Variants in GATA4 observed in about 807,000 individuals in gnomAD.
GATA4 encodes the protein GATA binding protein 4.
GATA4 carries 7 observed loss-of-function variants against 37.9 expected under a neutral mutation model. The ratio of observed to expected loss-of-function variants is 0.18; its 90% CI spans 0.11 to 0.35. The LOEUF (loss-of-function observed/expected upper bound fraction) is 0.35. GATA4 is among the 10% of genes least tolerant of loss of function. GATA4 has a pLI of 1.00. For missense variants in GATA4, 647 were observed against 653.0 expected (o/e 0.99, Z 0.10); for synonymous variants, 372 against 292.6 (o/e 1.27, Z -2.77).
intron 2 of GATA4, among the ~76,000 whole-genome samples, chr8:11,730,148 A>C (rs1447378013): frequency 6.6e-6 from 1 of 152,198 alleles, no homozygotes; most frequent in Non-Finnish European, 1.5e-5. Flanking sequence ...TCATGAGCTC[A>C]AGTGATACTC....
rs773734427 is a variant in GATA4 at position 11,750,151 on chromosome 8, A to G, written c.827A>G (p.Gln276Arg). ...GTGGGCCTCTCCTGTGCCAACTGCC[A>G]GACCACCACCACCACGCTGTGGCGC... ...RRVGLSCANCQTTTTTLWRRN... is the reference protein window; with the variant it reads ...RRVGLSCANCRTTTTTLWRRN... Residue 276 changes from glutamine to arginine, a missense_variant, in exon 4 of 7, where the codon CAG becomes CGG. By Grantham distance (43) the Gln-to-Arg change is conservative. Transcript: ENST00000532059. 6.2e-7 allele frequency: 1 copy of G among 1,614,058 alleles called. No homozygotes were observed. Among genetic ancestry groups the G allele is most frequent in the East Asian group, 2.2e-5 (1 of 44,888 alleles).
At position 11,755,028 on chromosome 8, in the gene GATA4, T is replaced by G. The variant is rs1802484766; in HGVS notation, c.913-18T>G. ...CGCAGAAATGGAAAACCCTATATAT[T>G]TACTTGTGACCCTCCAGGTCCCCAG... On this transcript the variant is annotated intron_variant, in intron 4 of 6. Coordinates refer to ENST00000532059, the MANE Select transcript of GATA4 (RefSeq NM_001308093.3). 1.9e-6 allele frequency: 3 copies of G among 1,603,298 alleles called. No individual in the cohort carries two copies. In the African/African-American group the frequency reaches 4.0e-5, roughly 21 times the overall value.
chr8:11,745,037 A>G (rs1325498530), intron 2 of GATA4, among the ~76,000 whole-genome samples: 1 of 152,240 alleles, frequency 6.6e-6, no homozygotes, highest in Non-Finnish European at 1.5e-5. Flanking sequence ...GACATCTATC[A>G]GAGTGATTAA....
At chr8:11,728,496 G>A (rs1340965418) in intron 2 of GATA4, among the ~76,000 whole-genome samples, 1 of 151,806 alleles carries the variant, frequency 6.6e-6, no homozygotes, top group Non-Finnish European at 1.5e-5. Flanking sequence ...AGCCTTCTAA[G>A]TAGCTGGGAC....
chr8:11,727,752 G>A (rs765079152), intron 2 of GATA4, among the ~76,000 whole-genome samples: 8 of 151,788 alleles, frequency 5.3e-5, no homozygotes, highest in South Asian at 2.1e-4. Context: ...GCGGTGGGAC[G>A]ATCACTTGAG....
chr8:11,704,895 A>T lies in GATA4; in HGVS notation c.-458+591A>T, dbSNP rs77044774. On this transcript the variant is annotated intron_variant, in intron 1 of 6. Coordinates refer to ENST00000532059, the MANE Select transcript of GATA4 (RefSeq NM_001308093.3). ...CCTCGGGGCTGGGGTCCAGGGACTGAATGCTCCTCTGGAAGCTCACCACCC... is the reference window on the plus strand; with the variant it reads ...CCTCGGGGCTGGGGTCCAGGGACTGTATGCTCCTCTGGAAGCTCACCACCC... Among the ~76,000 whole-genome samples, 643 of 152,258 alleles carry T rather than the reference A, an allele frequency of 4.2e-3. 33 individuals are homozygous for T. In the East Asian group the frequency reaches 0.099, roughly 23 times the overall value.
rs553432931 is a variant in GATA4, at chr8:11,680,167, C to T, written c.-274+3104C>T. ...ACGCGCGCCTGTAAATGACGCCGCT[C>T]CCACCTAGGCCGCTCTGGGGCCGCT... On this transcript the variant is annotated intron_variant, in intron 1 of 6. Coordinates refer to the GATA4 transcript ENST00000528712. 7.9e-5 allele frequency among the ~76,000 whole-genome samples: 12 copies of T among 152,336 alleles called. 1 individual carries two copies. In the East Asian group the frequency reaches 2.3e-3, roughly 29 times the overall value.
Position 11,679,588 on chromosome 8 carries a change from G to T in GATA4, c.-274+2525G>T, listed in dbSNP as rs904874044. On this transcript the variant is annotated intron_variant, in intron 1 of 6. Transcript: ENST00000528712. ...CGCTTGCGGGGCGCGCAGCCGGGGA[G>T]AGGAGCTGGGCGCGCGGCCTGGGCC... is the stretch of plus-strand genomic sequence containing the variant. Among the ~76,000 whole-genome samples, 41 of 152,352 alleles carry T rather than the reference G, an allele frequency of 2.7e-4. 1 individual carries two copies. Among genetic ancestry groups the T allele is most frequent in the Admixed American group, 2.4e-3 (37 of 15,306 alleles).
intron 5 of GATA4, chr8:11,756,517 T>A: frequency 3.7e-6 from 1 of 272,426 alleles, no homozygotes; most frequent in African/African-American, 2.2e-5. Flanking sequence ...GAACAGACAC[T>A]AGGCTGTTGA....
intron 1 of GATA4, among the ~76,000 whole-genome samples, chr8:11,705,130 A>G (rs1264149164): frequency 1.3e-5 from 2 of 152,222 alleles, no homozygotes; most frequent in Non-Finnish European, 2.9e-5. Context: ...GGCTGGGGAA[A>G]GAGCGTGGTG....
chr8:11,744,566 T>G (rs1235615384), intron 2 of GATA4, among the ~76,000 whole-genome samples: 1 of 152,238 alleles, frequency 6.6e-6, no homozygotes, highest in South Asian at 2.1e-4. Context: ...TCATACCAGA[T>G]GTCAGTGCTA....
At chr8:11,693,354 G>A (rs915696490) in intron 1 of GATA4, among the ~76,000 whole-genome samples, 1 of 152,054 alleles carries the variant, frequency 6.6e-6, no homozygotes, top group African/African-American at 2.4e-5. Flanking sequence ...GTCCTGCTGG[G>A]GAGGCTGAGG....
chr8:11,730,838 G>A (rs960602182), intron 2 of GATA4, among the ~76,000 whole-genome samples: 1 of 152,242 alleles, frequency 6.6e-6, no homozygotes, highest in African/African-American at 2.4e-5. Flanking sequence ...GAAGGCCCGA[G>A]GCTGGCGGGA....
At chr8:11,751,408 G>A (rs1288974132) in intron 4 of GATA4, among the ~76,000 whole-genome samples, 1 of 152,146 alleles carries the variant, frequency 6.6e-6, no homozygotes, top group East Asian at 1.9e-4. Flanking sequence ...TGGTCACATG[G>A]TCACATGTAT....
chr8:11,746,385 A>G (rs1802030496), intron 2 of GATA4, among the ~76,000 whole-genome samples: 1 of 152,096 alleles, frequency 6.6e-6, no homozygotes, highest in South Asian at 2.1e-4. Flanking sequence ...AAAATAAAAT[A>G]AAAAAGGAAA....
intron 1 of GATA4, among the ~76,000 whole-genome samples, chr8:11,685,110 A>C (rs1376950016): frequency 2.6e-5 from 4 of 152,230 alleles, no homozygotes; most frequent in Non-Finnish European, 5.9e-5. Context: ...GAGGTGAAAA[A>C]CAGAAAATAA....
At chr8:11,726,420 A>G (rs1800927310) in intron 2 of GATA4, among the ~76,000 whole-genome samples, 1 of 152,218 alleles carries the variant, frequency 6.6e-6, no homozygotes, top group African/African-American at 2.4e-5. Context: ...CAAAGGTAGT[A>G]ACACGGGAAC....
chr8:11,743,143 C>G (rs1019879872), intron 2 of GATA4, among the ~76,000 whole-genome samples: 23 of 152,362 alleles, frequency 1.5e-4, no homozygotes, highest in African/African-American at 5.3e-4. Context: ...AGGTGGTGGG[C>G]TGGGCACCAC....
intron 2 of GATA4, among the ~76,000 whole-genome samples, chr8:11,733,027 A>G (rs1352386589): frequency 2.6e-5 from 4 of 152,184 alleles, no homozygotes; most frequent in Admixed American, 2.0e-4. Context: ...AATGAATGAG[A>G]TAGGAAAGAA....
Sources: allele counts gnomAD v4.1 joint callset (sites outside exome capture counted in the v4.1 genomes callset), GRCh38; gene constraint gnomAD v4.1.1; transcripts MANE v1.5; gene names NCBI Gene and HGNC (gene_info 2026-07-23, HGNC 2026-07-21).